DMXL1: variants seen among roughly 807,000 people sequenced by gnomAD.
DMXL1 encodes the protein Dmx like 1.
DMXL1 carries 99 observed loss-of-function variants against 319.2 expected under a neutral mutation model. The ratio of observed to expected loss-of-function variants is 0.31; its 90% CI spans 0.26 to 0.37. DMXL1 has a LOEUF of 0.37. Among genes scored for constraint, DMXL1 ranks in the 10% least tolerant of loss-of-function variants. The probability of loss-of-function intolerance (pLI) is 1.00; values close to 1 mark genes in which losing one functional copy is unlikely to be tolerated. For missense variants in DMXL1, 3,745 were observed against 3,595.6 expected, an observed-to-expected ratio of 1.04 and a Z score of -1.06; for synonymous variants, 1,385 against 1,235.2, an observed-to-expected ratio of 1.12 and a Z score of -2.54.
intron 1 of DMXL1, among the ~76,000 whole-genome samples, chr5:119,077,295 A>G (rs1036571030): frequency 4.7e-5 from 7 of 150,422 alleles, no homozygotes; most frequent in Non-Finnish European, 1.0e-4. Context: ...TGACAGAAGC[A>G]GCTGGTGACA....
intron 19 of DMXL1, among the ~76,000 whole-genome samples, chr5:119,153,289 A>G (rs576338782): frequency 7.2e-5 from 11 of 152,306 alleles, no homozygotes; most frequent in African/African-American, 2.4e-4. Context: ...AATTCTCTTT[A>G]AAATTTTTAG....
At chr5:119,087,775 A>G (rs1284929058) in intron 1 of DMXL1, among the ~76,000 whole-genome samples, 1 of 151,886 alleles carries the variant, frequency 6.6e-6, no homozygotes, top group Non-Finnish European at 1.5e-5. Context: ...ATTGCATTCT[A>G]TTTAGATCTA....
intron 23 of DMXL1, among the ~76,000 whole-genome samples, chr5:119,169,104 A>G (rs1774034566): frequency 6.6e-6 from 1 of 151,854 alleles, no homozygotes; most frequent in Non-Finnish European, 1.5e-5. Context: ...GGGTTTCACC[A>G]TGTTGCCCAG....
In DMXL1 at chr5:119,134,283, C is replaced by G. The variant is rs750190538; in HGVS notation, c.2270C>G (p.Ser757Cys). The change falls in exon 13 of 44, where the codon TCT becomes TGT. Residue 757 changes from serine (S) to cysteine (C), a missense_variant. Physicochemically the swap from Ser to Cys is moderately radical, Grantham distance 112. Coordinates refer to ENST00000539542, the MANE Select transcript of DMXL1 (RefSeq NM_001290321.3). The stretch of plus-strand genomic sequence containing the variant: ...TACTTTCTAGGTGCATACTGCAACT[C>G]TCCTAGTGCATGCTTTGTAGCCAGT... ...PSYCLGAYCN[S>C]PSACFVASDG... 6.2e-7 allele frequency: 1 copy of G among 1,613,394 alleles called. No homozygotes were observed. The highest frequency in any genetic ancestry group is 8.5e-7 in the Non-Finnish European group (1 of 1,179,722).
At chr5:119,099,250 G>T (rs1756697318) in intron 2 of DMXL1, among the ~76,000 whole-genome samples, 1 of 150,890 alleles carries the variant, frequency 6.6e-6, no homozygotes, top group Non-Finnish European at 1.5e-5. Context: ...TCGCTTTGTT[G>T]CCCAGGCTGG....
rs751527985 is a variant in DMXL1, at chr5:119,116,245, C to G, written c.652C>G (p.Gln218Glu). 1.5e-5 allele frequency: 25 copies of G among 1,613,880 alleles called. No homozygotes were observed. The highest frequency in any genetic ancestry group is 2.1e-5 in the Non-Finnish European group (25 of 1,180,002). Reference protein sequence around the residue: ...SPDGSSEKQSQGEIDFSFVYL... With the variant: ...SPDGSSEKQSEGEIDFSFVYL... Reference sequence around the variant, plus strand: ...AGATGGAAGTTCAGAAAAACAATCCCAAGGAGAAATTGACTTTTCTTTTGT... The same window carrying G: ...AGATGGAAGTTCAGAAAAACAATCCGAAGGAGAAATTGACTTTTCTTTTGT... Residue 218 changes from glutamine to glutamate, a missense_variant, in exon 7 of 44, where the codon CAA becomes GAA. Gln to Glu is a conservative substitution (Grantham distance 29, BLOSUM62 2). Transcript: ENST00000539542.
chr5:119,188,289 C>T (rs976268944), intron 28 of DMXL1, among the ~76,000 whole-genome samples: 1 of 151,996 alleles, frequency 6.6e-6, no homozygotes. Context: ...ACAAAAACAG[C>T]CAGGTGCAGT....
chr5:119,212,221 C>A (rs947889398), intron 34 of DMXL1, among the ~76,000 whole-genome samples: 1 of 152,100 alleles, frequency 6.6e-6, no homozygotes, highest in Non-Finnish European at 1.5e-5. Context: ...ATTCCTCTGG[C>A]GCCCACTCCA....
chr5:119,240,218 A>G (rs1788522224), intron 41 of DMXL1, among the ~76,000 whole-genome samples: 1 of 152,220 alleles, frequency 6.6e-6, no homozygotes, highest in Admixed American at 6.5e-5. Flanking sequence ...GGCTGCAGTG[A>G]GCCAAGATTC....
intron 2 of DMXL1, chr5:119,100,515 C>A (rs1033842391): frequency 6.6e-6 from 1 of 151,658 alleles, no homozygotes; most frequent in Middle Eastern, 3.2e-3. Flanking sequence ...TACTGTACTA[C>A]CACCTAATTC....
chr5:119,237,431 T>A lies in DMXL1; in HGVS notation c.8559+17T>A. On this transcript the variant is annotated intron_variant, in intron 40 of 43. Coordinates refer to ENST00000539542, the MANE Select transcript of DMXL1 (RefSeq NM_001290321.3). ...CCATACCTGGTAAGCCAAGAATTTC[T>A]ACCTTTAAATAAAATTTGAATTTTC... The A allele has an allele frequency of 6.7e-7, 1 of 1,481,776 alleles. No individual in the cohort carries two copies. Among genetic ancestry groups the A allele is most frequent in the Non-Finnish European group, 9.3e-7 (1 of 1,072,020 alleles). The allele number at this position is 1,481,776 out of a possible 1,614,324, so 91.8% of individuals were successfully genotyped here.
At chr5:119,145,583 A>T (rs536986051) in intron 15 of DMXL1, among the ~76,000 whole-genome samples, 161 of 151,884 alleles carry the variant, frequency 1.1e-3, no homozygotes, top group Non-Finnish European at 1.7e-3. Flanking sequence ...ACATGTTAAT[A>T]TTGTTAACAA....
intron 43 of DMXL1, among the ~76,000 whole-genome samples, chr5:119,246,002 C>T (rs1446606464): frequency 3.3e-5 from 5 of 151,796 alleles, no homozygotes; most frequent in African/African-American, 7.3e-5. Context: ...AGTAAAGAAA[C>T]GTTTAGAAAA....
intron 17 of DMXL1, 152 bp downstream of exon 17, chr5:119,147,622 C>CCTG: frequency 3.7e-6 from 2 of 541,558 alleles, no homozygotes; most frequent in South Asian, 3.1e-5. Flanking sequence ...ACTTATAGTT[C>CCTG]TCATTATGTT....
In DMXL1 at chr5:119,206,417, A is replaced by T. The variant is rs140283626; in HGVS notation, c.7864-417A>T. On this transcript the variant is annotated intron_variant, in intron 33 of 43. Transcript: ENST00000539542. ...TAGAAATTGAAATTTTCTAATCAAG[A>T]GATTTTCCTGAAGGTTCAGATGTGG... 9.6e-3 allele frequency: 1,459 copies of T among 152,762 alleles called. 22 individuals carry two copies. The highest frequency in any genetic ancestry group is 0.035 in the South Asian group (169 of 4,840). 9.5% of individuals were successfully genotyped at this position (152,762 alleles called of 1,614,324 possible).
intron 43 of DMXL1, among the ~76,000 whole-genome samples, chr5:119,245,541 CTTTT>C (rs1189893917): frequency 2.2e-5 from 3 of 133,814 alleles, no homozygotes; most frequent in Admixed American, 7.5e-5. Flanking sequence ...TAAGTCGGTT[CTTTT>C]TTTTTTTTTT....
At chr5:119,159,161 C>A (rs778834635) in intron 19 of DMXL1, among the ~76,000 whole-genome samples, 1 of 151,856 alleles carries the variant, frequency 6.6e-6, no homozygotes, top group African/African-American at 2.4e-5. Flanking sequence ...GACAGAGTCT[C>A]GCTTCTGTCA....
At chr5:119,143,696 C>A in intron 13 of DMXL1, 145 bp from the exon 14 acceptor site, 1 of 460,556 alleles carries the variant, frequency 2.2e-6, no homozygotes, top group Non-Finnish European at 3.9e-6. Flanking sequence ...AGACTAAAGA[C>A]CTAGAATTTT....
At chr5:119,231,101 A>G (rs1468253270) in intron 38 of DMXL1, among the ~76,000 whole-genome samples, 2 of 152,106 alleles carry the variant, frequency 1.3e-5, no homozygotes, top group African/African-American at 2.4e-5. Context: ...AATGCCTCCC[A>G]CTGTTTGTGA....
Sources: gnomAD v4.1 joint callset for allele counts (sites outside exome capture counted in the v4.1 genomes callset) on GRCh38, gnomAD v4.1.1 for gene constraint, MANE v1.5 for transcripts, NCBI Gene and HGNC (gene_info 2026-07-23, HGNC 2026-07-21) for gene names.